Variants in USP18 observed in about 807,000 individuals in gnomAD.
USP18 encodes ubiquitin specific peptidase 18, also known as ubl carboxyl-terminal hydrolase 18.
Under a neutral mutation model 48.7 loss-of-function variants are expected in USP18, and 11 were observed. The observed-to-expected ratio is 0.23, with a 90% CI of 0.14 to 0.37. USP18 has a LOEUF of 0.37. Among genes scored for constraint, USP18 ranks in the 10% least tolerant of loss-of-function variants. The pLI, the probability that USP18 is intolerant of heterozygous loss-of-function variation, is 1.00. For missense variants in USP18, 285 were observed against 436.4 expected (o/e 0.65, Z 3.09); for synonymous variants, 114 against 163.2 (o/e 0.70, Z 2.30).
chr22:18,152,167 C>A (rs1337199608), intron 1 of USP18, among the ~76,000 whole-genome samples: 1 of 152,130 alleles, frequency 6.6e-6, no homozygotes, highest in Non-Finnish European at 1.5e-5. Flanking sequence ...CGGAAGACAC[C>A]GAGGCTGCTT....
chr22:18,151,585 G>C (rs1929000815), intron 1 of USP18, among the ~76,000 whole-genome samples: 1 of 151,936 alleles, frequency 6.6e-6, no homozygotes, highest in South Asian at 2.1e-4. Flanking sequence ...ACAATGATGA[G>C]CTTACAAAGG....
intron 6 of USP18, among the ~76,000 whole-genome samples, chr22:18,169,533 G>A (rs528634386): frequency 2.0e-5 from 3 of 152,230 alleles, no homozygotes; most frequent in Admixed American, 6.5e-5. Context: ...CTGAGATCGC[G>A]CCCCTGCACT....
intron 3 of USP18, 119 bp downstream of exon 3, chr22:18,160,387 G>A (rs576566048): frequency 2.7e-4 from 324 of 1,214,854 alleles, no homozygotes; most frequent in Non-Finnish European, 3.7e-4. Context: ...CTCACTGCAA[G>A]TTCTGCCTCC....
intron 8 of USP18, among the ~76,000 whole-genome samples, chr22:18,172,155 G>A (rs1202034900): frequency 6.6e-6 from 1 of 152,172 alleles, no homozygotes; most frequent in Non-Finnish European, 1.5e-5. Context: ...ACCAAAGTGT[G>A]TAGTGAAGGA....
chr22:18,158,531 T>A (rs1602522208), intron 2 of USP18, among the ~76,000 whole-genome samples: 1 of 152,318 alleles, frequency 6.6e-6, no homozygotes, highest in African/African-American at 2.4e-5. Context: ...TTTCTTACTG[T>A]CCTATCTTGT....
chr22:18,154,924 G>A (rs1327850918), intron 1 of USP18, among the ~76,000 whole-genome samples: 1 of 152,214 alleles, frequency 6.6e-6, no homozygotes, highest in Non-Finnish European at 1.5e-5. Context: ...GAAACCCATA[G>A]GAGATTAGGG....
At position 18,175,724 on chromosome 22, in the gene USP18, C is replaced by T. The variant is rs1198769712; in HGVS notation, c.1074-1048C>T. On this transcript the variant is annotated intron_variant, in intron 10 of 10. Transcript: ENST00000215794. ...GGGTGCGATCTCCCACCTTTAATCC[C>T]GGCAATTTGGGAGGCCGAGGCAGGA... Among the ~76,000 whole-genome samples the T allele has an allele frequency of 2.3e-4, 34 of 147,228 alleles. 1 individual carries two copies. The highest frequency in any genetic ancestry group is 2.9e-4 in the Non-Finnish European group (20 of 67,834).
chr22:18,167,020 T>C (rs1210107172), intron 4 of USP18, among the ~76,000 whole-genome samples: 1 of 152,164 alleles, frequency 6.6e-6, no homozygotes, highest in Non-Finnish European at 1.5e-5. Context: ...ATTATAGGCA[T>C]GAGCCACTAC....
At chr22:18,167,846 TATG>T in intron 5 of USP18, 41 bp from the exon 6 acceptor site, 1 of 1,589,192 alleles carries the variant, frequency 6.3e-7, no homozygotes, top group Non-Finnish European at 8.6e-7. Flanking sequence ...TGACCTGGCT[TATG>T]GTGGTGTTCC....
chr22:18,164,878 T>C (rs1319668773), intron 4 of USP18, among the ~76,000 whole-genome samples: 2 of 151,940 alleles, frequency 1.3e-5, no homozygotes, highest in Non-Finnish European at 2.9e-5. Flanking sequence ...CCCTCCCCTC[T>C]CCAGGAGAAA....
At chr22:18,171,246 A>G (rs919438153) in intron 8 of USP18, among the ~76,000 whole-genome samples, 3 of 89,724 alleles carry the variant, frequency 3.3e-5, no homozygotes, top group Non-Finnish European at 6.2e-5. Flanking sequence ...GGATAATCAT[A>G]AAGTAGCCAG....
At position 18,161,837 on chromosome 22, in the gene USP18, T is replaced by A. The variant is rs1929342385; in HGVS notation, c.302T>A (p.Phe101Tyr). The A allele has an allele frequency of 1.2e-6, 2 of 1,612,798 alleles. No homozygotes were observed. The highest frequency in any genetic ancestry group is 1.3e-5 in the African/African-American group (1 of 74,614). ...GACGAGCAGAGGAGAAGCGTCCCTT[T>A]CCAGATGCTTCTGCTGCTGGAGAAG... ...GADEQRRSVP[F>Y]QMLLLLEKMQ... The change falls in exon 4 of 11, where the codon TTC becomes TAC. Residue 101 changes from phenylalanine (F) to tyrosine (Y), a missense_variant. Transcript: ENST00000215794.
At chr22:18,166,636 C>T (rs1167878616) in intron 4 of USP18, among the ~76,000 whole-genome samples, 1 of 152,090 alleles carries the variant, frequency 6.6e-6, no homozygotes, top group East Asian at 1.9e-4. Context: ...TATTCGCCTT[C>T]ATTGCTTTCT....
At chr22:18,157,451 C>G (rs1224209805) in intron 1 of USP18, 107 bp from the exon 2 acceptor site, 2 of 607,672 alleles carry the variant, frequency 3.3e-6, no homozygotes, top group Admixed American at 2.6e-5. Context: ...TCAGTCTCCC[C>G]AAACATTTAT....
Position 18,166,360 on chromosome 22 carries a change from A to C in USP18, c.401-895A>C, listed in dbSNP as rs1447852831. 2.0e-5 allele frequency among the ~76,000 whole-genome samples: 3 copies of C among 151,798 alleles called. No homozygotes were observed. The South Asian group carries it at 6.3e-4, about 32-fold the overall frequency. On this transcript the variant is annotated intron_variant, in intron 4 of 10. Coordinates refer to ENST00000215794, the MANE Select transcript of USP18 (RefSeq NM_017414.4). ...CACACTTTCTTTTACATCTTTTGACATGGTTTTCTTTAGTTCTTTGAACAT... is the reference window on the plus strand; with the variant it reads ...CACACTTTCTTTTACATCTTTTGACCTGGTTTTCTTTAGTTCTTTGAACAT...
rs543970367 is a variant in USP18 at position 18,167,472 on chromosome 22, C to A, written c.480+138C>A. On this transcript the variant is annotated intron_variant, in intron 5 of 10. Coordinates refer to ENST00000215794, the MANE Select transcript of USP18 (RefSeq NM_017414.4). Reference sequence around the variant, plus strand: ...CAGCACTTTGGGAGGCTGAGGCAGGCGGATCACGAGGTCAGGAGATCGAGA... The same window carrying A: ...CAGCACTTTGGGAGGCTGAGGCAGGAGGATCACGAGGTCAGGAGATCGAGA... 3.9e-5 allele frequency: 41 copies of A among 1,053,274 alleles called. No individual in the cohort carries two copies. In the Admixed American group the frequency reaches 1.0e-3, roughly 26 times the overall value. 65.2% of individuals were successfully genotyped at this position (1,053,274 alleles called of 1,614,324 possible). A position where few individuals can be genotyped will look rare whatever the true frequency, so the allele number is the denominator to read the frequency against.
At chr22:18,157,056 G>A (rs192341653) in intron 1 of USP18, among the ~76,000 whole-genome samples, 6 of 152,334 alleles carry the variant, frequency 3.9e-5, no homozygotes, top group African/African-American at 1.4e-4. Flanking sequence ...ACCAGGATGT[G>A]CCTAAGGCCG....
At chr22:18,153,846 C>T (rs1475178585) in intron 1 of USP18, among the ~76,000 whole-genome samples, 1 of 152,018 alleles carries the variant, frequency 6.6e-6, no homozygotes, top group African/African-American at 2.4e-5. Flanking sequence ...TTCCACTTAA[C>T]GTAATGTACT....
chr22:18,167,030 C>T (rs1929493102), intron 4 of USP18, among the ~76,000 whole-genome samples: 1 of 152,190 alleles, frequency 6.6e-6, no homozygotes, highest in Non-Finnish European at 1.5e-5. Context: ...TGAGCCACTA[C>T]ATCTGGCACT....
Sources: gnomAD v4.1 joint callset for allele counts (sites outside exome capture counted in the v4.1 genomes callset) on GRCh38, gnomAD v4.1.1 for gene constraint, MANE v1.5 for transcripts, NCBI Gene and HGNC (gene_info 2026-07-23, HGNC 2026-07-21) for gene names.